NLRP11: variants seen among roughly 807,000 people sequenced by gnomAD.
NLRP11 encodes NACHT, LRR and PYD domains-containing protein 11.
In NLRP11, 53 loss-of-function variants were observed where a neutral mutation model predicts 79.3. That is an observed-to-expected ratio of 0.67 (90% CI 0.54 to 0.84). NLRP11 has a LOEUF of 0.84. NLRP11 is among the 40% of genes least tolerant of loss of function. The pLI is 0.00. For synonymous variants in NLRP11, 518 were observed against 462.6 expected (o/e 1.12, Z -1.54); for missense variants, 1,264 against 1,255.0 (o/e 1.01, Z -0.11).
intron 5 of NLRP11, among the ~76,000 whole-genome samples, chr19:55,798,499 G>A (rs1034823983): frequency 6.6e-6 from 1 of 152,030 alleles, no homozygotes; most frequent in African/African-American, 2.4e-5. Flanking sequence ...ATACACACTG[G>A]GGCCGACTTG....
At chr19:55,815,954 A>G (rs945621959) in intron 2 of NLRP11, among the ~76,000 whole-genome samples, 5 of 152,218 alleles carry the variant, frequency 3.3e-5, no homozygotes, top group Non-Finnish European at 5.9e-5. Context: ...TTGACTCCAT[A>G]AAGTATATAT....
At chr19:55,792,565 C>A (rs928873501) in intron 6 of NLRP11, 94 bp from the exon 7 acceptor site, 20 of 851,406 alleles carry the variant, frequency 2.3e-5, no homozygotes, top group Non-Finnish European at 3.0e-5. Flanking sequence ...CGCCTCGATG[C>A]CTTCTACTGC....
chr19:55,812,413 G>A (rs921023263), intron 2 of NLRP11, among the ~76,000 whole-genome samples: 1 of 152,116 alleles, frequency 6.6e-6, no homozygotes, highest in Admixed American at 6.5e-5. Context: ...AAACCAATCA[G>A]ACCATCAGGG....
chr19:55,833,467 A>T (rs1982965949), upstream of NLRP11, among the ~76,000 whole-genome samples: 1 of 152,144 alleles, frequency 6.6e-6, no homozygotes, highest in Non-Finnish European at 1.5e-5. Context: ...AACTATGGTA[A>T]TTAAGACTTA....
chr19:55,806,195 C>A (rs1198796837), intron 4 of NLRP11, among the ~76,000 whole-genome samples: 3 of 152,220 alleles, frequency 2.0e-5, no homozygotes, highest in Non-Finnish European at 4.4e-5. Context: ...CATTCCTATC[C>A]TTGGTGAACT....
In NLRP11 at chr19:55,807,940, T is replaced by A. The variant is rs771082544; in HGVS notation, c.1916A>T (p.His639Leu). Reference sequence around the variant, plus strand: ...ACCATTAAGGTCATTGTCAAAGATATGCAGCTCCCGGAGGCTCTCCATTGT... The same window carrying A: ...ACCATTAAGGTCATTGTCAAAGATAAGCAGCTCCCGGAGGCTCTCCATTGT... The change falls in exon 4 of 10, where the codon CAT becomes CTT. Residue 639 changes from histidine to leucine, a missense_variant. By Grantham distance (99) the His-to-Leu change is moderately conservative (BLOSUM62 -3). Transcript: ENST00000589093. 3 of 1,611,428 alleles carry A rather than the reference T, an allele frequency of 1.9e-6. No homozygotes were observed. In the African/African-American group the frequency reaches 4.0e-5, roughly 22 times the overall value.
In NLRP11 at chr19:55,799,791, AC is replaced by A. The variant is rs546692831; in HGVS notation, c.2171+1780del. On this transcript the variant is annotated intron_variant, in intron 5 of 9. Transcript: ENST00000589093. ...AGACCAGCCTGGCCAACATGGTGAAACCCCATCTCTACTAAAAACACAAAAA... is the reference window on the plus strand; with the variant it reads ...AGACCAGCCTGGCCAACATGGTGAAACCCATCTCTACTAAAAACACAAAAA... 2.7e-3 allele frequency among the ~76,000 whole-genome samples: 412 copies of A among 152,048 alleles called. 4 individuals are homozygous for A. The highest frequency in any genetic ancestry group is 9.5e-3 in the African/African-American group (394 of 41,472).
upstream of NLRP11, among the ~76,000 whole-genome samples, chr19:55,835,220 T>C (rs185604470): frequency 3.1e-3 from 471 of 152,330 alleles, 1 homozygote; most frequent in South Asian, 7.5e-3. Context: ...GGAACTAAAA[T>C]GGTGATTGTA....
intron 2 of NLRP11, among the ~76,000 whole-genome samples, chr19:55,813,921 G>A (rs182457965): frequency 1.5e-4 from 23 of 152,206 alleles, no homozygotes; most frequent in Non-Finnish European, 2.4e-4. Flanking sequence ...GTAGATAGTG[G>A]TAAAAATGTA....
intron 5 of NLRP11, among the ~76,000 whole-genome samples, chr19:55,797,801 G>C (rs901536074): frequency 1.3e-4 from 20 of 152,110 alleles, no homozygotes; most frequent in Non-Finnish European, 2.9e-5. Flanking sequence ...CTTGAGAGAA[G>C]AGGGCAAGCT....
intron 5 of NLRP11, among the ~76,000 whole-genome samples, 186 bp from the exon 6 acceptor site, chr19:55,796,436 G>A (rs1212292134): frequency 6.6e-6 from 1 of 152,080 alleles, no homozygotes; most frequent in African/African-American, 2.4e-5. Context: ...TTTGGGCAAG[G>A]TTACAGATTC....
chr19:55,792,609 T>C (rs561100397), intron 6 of NLRP11, 138 bp from the exon 7 acceptor site: 5 of 633,160 alleles, frequency 7.9e-6, no homozygotes, highest in Non-Finnish European at 1.4e-5. Flanking sequence ...GACTTTCTTA[T>C]TTGGAAAAGG....
intron 1 of NLRP11, among the ~76,000 whole-genome samples, chr19:55,820,672 A>G (rs1981604851): frequency 1.3e-5 from 2 of 151,122 alleles, no homozygotes; most frequent in Admixed American, 1.3e-4. Flanking sequence ...TTTTTCAAAA[A>G]TGTCTTAATC....
chr19:55,817,329 T>C (rs1433752934), intron 2 of NLRP11, among the ~76,000 whole-genome samples: 2 of 152,120 alleles, frequency 1.3e-5, no homozygotes, highest in Non-Finnish European at 2.9e-5. Context: ...ACTGTGTATC[T>C]ACCCAGAGGA....
Position 55,812,493 on chromosome 19 carries a change from A to C in NLRP11, c.272-2155T>G, listed in dbSNP as rs1207154138. 2.0e-5 allele frequency among the ~76,000 whole-genome samples: 3 copies of C among 152,224 alleles called. No individual in the cohort carries two copies. The East Asian group carries it at 5.8e-4, about 29-fold the overall frequency. Reference sequence around the variant, plus strand: ...TACAGTCCCAAAAGGAGAGGGGATGAAAAGGTATTCAACATCACGAATCAG... The same window carrying C: ...TACAGTCCCAAAAGGAGAGGGGATGCAAAGGTATTCAACATCACGAATCAG... On this transcript the variant is annotated intron_variant, in intron 2 of 9. Transcript: ENST00000589093.
intron 2 of NLRP11, among the ~76,000 whole-genome samples, chr19:55,811,820 T>C (rs1980630146): frequency 6.6e-6 from 1 of 152,176 alleles, no homozygotes; most frequent in Non-Finnish European, 1.5e-5. Flanking sequence ...AATTTATTGA[T>C]TAGGTTATCT....
intron 1 of NLRP11, among the ~76,000 whole-genome samples, chr19:55,820,233 A>G (rs1312065939): frequency 6.6e-6 from 1 of 152,108 alleles, no homozygotes; most frequent in African/African-American, 2.4e-5. Context: ...AACAATAAGG[A>G]AGTCACTGAG....
At chr19:55,788,768 A>AG in intron 9 of NLRP11, 39 bp downstream of exon 9, 2 of 999,484 alleles carry the variant, frequency 2.0e-6, no homozygotes, top group East Asian at 2.8e-5. Context: ...AAAAAAAAAA[A>AG]AGAATTTTCC....
intron 1 of NLRP11, among the ~76,000 whole-genome samples, chr19:55,830,800 C>G (rs1982688697): frequency 6.9e-6 from 1 of 145,542 alleles, no homozygotes; most frequent in Non-Finnish European, 1.5e-5. Context: ...CCAACACCTG[C>G]AAAAAAGCTG....
Sources: gnomAD v4.1 joint callset for allele counts (sites outside exome capture counted in the v4.1 genomes callset) on GRCh38, gnomAD v4.1.1 for gene constraint, MANE v1.5 for transcripts, NCBI Gene and HGNC (gene_info 2026-07-23, HGNC 2026-07-21) for gene names.